The following LRRK1 variants were observed in gnomAD, a reference collection of about 807,000 sequenced individuals.
LRRK1 encodes leucine rich repeat kinase 1, also known as leucine-rich repeat serine/threonine-protein kinase 1.
LRRK1 carries 113 observed loss-of-function variants against 209.1 expected under a neutral mutation model. That is an observed-to-expected ratio of 0.54 (90% CI 0.46 to 0.63). The LOEUF (loss-of-function observed/expected upper bound fraction) is 0.63. Ranked by LOEUF, LRRK1 falls within the 30% of genes least tolerant of loss-of-function variation. The pLI, the probability that LRRK1 is intolerant of heterozygous loss-of-function variation, is 0.00. For synonymous variants in LRRK1, 1,144 were observed against 1,099.7 expected (o/e 1.04, Z -0.80); for missense variants, 2,284 against 2,632.2 (o/e 0.87, Z 2.89).
chr15:101,045,462 A>G (rs924715241), intron 20 of LRRK1, among the ~76,000 whole-genome samples: 1 of 152,228 alleles, frequency 6.6e-6, no homozygotes, highest in Non-Finnish European at 1.5e-5. Flanking sequence ...TCTTCCGCAC[A>G]AAACAGGCCT....
chr15:101,009,611 C>T (rs1361176997), intron 7 of LRRK1, among the ~76,000 whole-genome samples: 4 of 151,914 alleles, frequency 2.6e-5, no homozygotes, highest in African/African-American at 7.3e-5. Flanking sequence ...TTTTTTGAGA[C>T]GGAGTCTCAC....
intron 24 of LRRK1, 30 bp from the exon 25 acceptor site, chr15:101,052,892 G>C (rs761222910): frequency 6.3e-7 from 1 of 1,596,122 alleles, no homozygotes; most frequent in East Asian, 2.3e-5. Flanking sequence ...GGGCGGGGGG[G>C]ATGTGGCTGA....
intron 20 of LRRK1, among the ~76,000 whole-genome samples, chr15:101,042,007 A>G (rs2034784360): frequency 6.6e-6 from 1 of 152,176 alleles, no homozygotes; most frequent in Admixed American, 6.5e-5. Flanking sequence ...CAGATAAGGG[A>G]GGACTACAAT....
intron 2 of LRRK1, among the ~76,000 whole-genome samples, chr15:100,941,482 G>A (rs1412453022): frequency 9.5e-5 from 14 of 147,636 alleles, no homozygotes; most frequent in African/African-American, 3.3e-4. Context: ...GTGTGTGTGT[G>A]TGTGTGTGTG....
chr15:100,950,523 C>A lies in LRRK1; in HGVS notation c.98-23281C>A, dbSNP rs375885883. On this transcript the variant is annotated intron_variant, in intron 2 of 33. Transcript: ENST00000388948. ...ATTCAAATAAAATACAAGAGAATGGCTAAACCTATAAAACTCTTAAAAGAA... is the reference window on the plus strand; with the variant it reads ...ATTCAAATAAAATACAAGAGAATGGATAAACCTATAAAACTCTTAAAAGAA... Among the ~76,000 whole-genome samples, 13 of 152,264 alleles carry A rather than the reference C, an allele frequency of 8.5e-5. No individual in the cohort carries two copies. In the South Asian group the frequency reaches 1.5e-3, roughly 17 times the overall value.
intron 2 of LRRK1, among the ~76,000 whole-genome samples, chr15:100,932,291 G>A (rs1253886650): frequency 1.3e-5 from 2 of 152,136 alleles, no homozygotes; most frequent in African/African-American, 2.4e-5. Flanking sequence ...TGGCCTGAGT[G>A]TGTTTTCTTC....
chr15:100,945,101 A>T (rs550673097), intron 2 of LRRK1, among the ~76,000 whole-genome samples: 1 of 152,328 alleles, frequency 6.6e-6, no homozygotes, highest in East Asian at 1.9e-4. Context: ...CATTTGGGCG[A>T]TTCCTAACAT....
At chr15:100,949,231 T>C (rs1320982994) in intron 2 of LRRK1, among the ~76,000 whole-genome samples, 1 of 152,032 alleles carries the variant, frequency 6.6e-6, no homozygotes, top group East Asian at 1.9e-4. Flanking sequence ...AAAAAGATTA[T>C]AGGAAAATAC....
At chr15:100,935,813 G>A (rs192992285) in intron 2 of LRRK1, among the ~76,000 whole-genome samples, 4 of 152,316 alleles carry the variant, frequency 2.6e-5, no homozygotes, top group Non-Finnish European at 5.9e-5. Context: ...CCCAGCTGGT[G>A]GTTCTTCTTG....
chr15:101,000,245 G>A (rs1340267500), intron 6 of LRRK1, among the ~76,000 whole-genome samples: 2 of 152,182 alleles, frequency 1.3e-5, no homozygotes, highest in Non-Finnish European at 2.9e-5. Flanking sequence ...TTTAATAGCT[G>A]ATTTTTCTGT....
At chr15:101,064,149 C>CAGAT (rs1417797065) in intron 31 of LRRK1, among the ~76,000 whole-genome samples, 2 of 152,294 alleles carry the variant, frequency 1.3e-5, no homozygotes, top group Non-Finnish European at 1.5e-5. Context: ...GCCAGGACTG[C>CAGAT]AGATAGAGAC....
At chr15:100,923,122 C>T (rs1033684237) in intron 1 of LRRK1, among the ~76,000 whole-genome samples, 5 of 152,144 alleles carry the variant, frequency 3.3e-5, no homozygotes, top group East Asian at 3.9e-4. Flanking sequence ...CAAGTCTGTG[C>T]GCTGGTACTA....
intron 2 of LRRK1, among the ~76,000 whole-genome samples, chr15:100,925,048 G>GA (rs1461390526): frequency 1.3e-5 from 2 of 151,862 alleles, no homozygotes; most frequent in Non-Finnish European, 2.9e-5. Flanking sequence ...AGGAAAAATT[G>GA]AAAAAAATAA....
chr15:100,937,634 A>T (rs577998572), intron 2 of LRRK1, among the ~76,000 whole-genome samples: 1 of 150,066 alleles, frequency 6.7e-6, no homozygotes, highest in South Asian at 2.1e-4. Flanking sequence ...TCCCAGGTTG[A>T]TGCCATTCTC....
At chr15:101,020,777 CATT>C (rs1486336874) in intron 12 of LRRK1, among the ~76,000 whole-genome samples, 1 of 152,200 alleles carries the variant, frequency 6.6e-6, no homozygotes, top group Non-Finnish European at 1.5e-5. Flanking sequence ...TTCTATTACT[CATT>C]GAACCAACCC....
chr15:101,023,597 C>G (rs1431046960), intron 15 of LRRK1, among the ~76,000 whole-genome samples: 1 of 152,192 alleles, frequency 6.6e-6, no homozygotes. Context: ...GGGCAAGAGG[C>G]TGCTTCACTG....
chr15:101,065,251 C>A, intron 31 of LRRK1, 101 bp from the exon 32 acceptor site: 1 of 1,427,130 alleles, frequency 7.0e-7, no homozygotes, highest in Non-Finnish European at 9.5e-7. Context: ...AAAGTGACTG[C>A]CCGCCTGGTG....
At position 101,065,889 on chromosome 15, in the gene LRRK1, A is replaced by G. The variant is rs1248109013; in HGVS notation, c.5452A>G (p.Ile1818Val). Residue 1818 changes from isoleucine (I) to valine (V), a missense_variant, in exon 32 of 34, where the codon ATC becomes GTC. By Grantham distance (29) the Ile-to-Val change is conservative. Transcript: ENST00000388948. ...PEGDSIADVS[I>V]MYSEELGTQI... ...GGGGGACTCCATCGCGGACGTGAGC[A>G]TCATGTACAGTGAGGAGCTGGGCAC... is the stretch of plus-strand genomic sequence containing the variant. The G allele has an allele frequency of 1.9e-6, 3 of 1,614,172 alleles. No homozygotes were observed. The highest frequency in any genetic ancestry group is 1.7e-5 in the Admixed American group (1 of 60,030).
At chr15:100,947,538 A>G (rs567740820) in intron 2 of LRRK1, among the ~76,000 whole-genome samples, 1 of 152,350 alleles carries the variant, frequency 6.6e-6, no homozygotes, top group South Asian at 2.1e-4. Flanking sequence ...AATTGAGGCT[A>G]TCTTGAAAAG....
Sources: allele counts gnomAD v4.1 joint callset (sites outside exome capture counted in the v4.1 genomes callset), GRCh38; gene constraint gnomAD v4.1.1; transcripts MANE v1.5; gene names NCBI Gene and HGNC (gene_info 2026-07-23, HGNC 2026-07-21).